The following ARHGEF9 variants were observed in gnomAD, a reference collection of about 807,000 sequenced individuals.
ARHGEF9 encodes the protein rho guanine nucleotide exchange factor 9.
ARHGEF9 carries 2 observed loss-of-function variants against 41.3 expected under a neutral mutation model. The observed-to-expected ratio is 0.05, with a 90% CI of 0.02 to 0.15. The LOEUF is 0.15. ARHGEF9 is among the 10% of genes least tolerant of loss of function. ARHGEF9 has a pLI of 1.00. For missense variants in ARHGEF9, 225 were observed against 424.7 expected (o/e 0.53, Z 4.13); for synonymous variants, 160 against 154.4 (o/e 1.04, Z -0.27).
chrX:63,736,455 G>T (rs2054618154), intron 1 of ARHGEF9, among the ~76,000 whole-genome samples: 1 of 110,570 alleles, frequency 9.0e-6, no homozygotes, highest in Non-Finnish European at 1.9e-5. Context: ...AGCCCCAAAG[G>T]CAGTGGATTC....
intron 1 of ARHGEF9, among the ~76,000 whole-genome samples, chrX:63,752,264 C>A (rs1312240852): frequency 1.0e-5 from 1 of 99,653 alleles, no homozygotes; most frequent in Non-Finnish European, 2.0e-5. Flanking sequence ...TGGAAGTCAC[C>A]TAGTGGAGCC....
intron 4 of ARHGEF9, among the ~76,000 whole-genome samples, chrX:63,688,999 G>A (rs561585796): frequency 1.8e-5 from 2 of 111,177 alleles, no homozygotes; most frequent in African/African-American, 6.5e-5. Flanking sequence ...ACTAACAAAA[G>A]CAAATAATTA....
intron 4 of ARHGEF9, among the ~76,000 whole-genome samples, chrX:63,692,617 T>C (rs2051427422): frequency 8.9e-6 from 1 of 112,226 alleles, no homozygotes; most frequent in Admixed American, 9.4e-5. Flanking sequence ...GATCGGAATG[T>C]AAATTAGTAC....
chrX:63,738,244 G>A (rs2054733594), intron 1 of ARHGEF9, among the ~76,000 whole-genome samples: 1 of 111,685 alleles, frequency 9.0e-6, no homozygotes, highest in African/African-American at 3.3e-5. Flanking sequence ...AAGAGAAAGA[G>A]GAATATATTC....
At chrX:63,784,980 G>A in intron 1 of ARHGEF9, 136 bp downstream of exon 1, 10 of 754,443 alleles carry the variant, frequency 1.3e-5, no homozygotes, top group Admixed American at 8.9e-5. Context: ...AAGCTCACTG[G>A]TGTCTCAAGG....
chrX:63,769,981 G>C (rs1458258464), intron 1 of ARHGEF9, among the ~76,000 whole-genome samples: 5 of 111,954 alleles, frequency 4.5e-5, no homozygotes, highest in African/African-American at 1.6e-4. Context: ...ACCACCTAGT[G>C]GAGCTGTGAG....
chrX:63,710,852 G>T (rs2052888569), intron 2 of ARHGEF9, among the ~76,000 whole-genome samples: 1 of 110,345 alleles, frequency 9.1e-6, no homozygotes, highest in East Asian at 2.8e-4. Context: ...GACAAAAAAA[G>T]AAATAAAAGA....
chrX:63,749,022 G>A (rs1410612611), intron 1 of ARHGEF9, among the ~76,000 whole-genome samples: 1 of 112,004 alleles, frequency 8.9e-6, no homozygotes, highest in Non-Finnish European at 1.9e-5. Flanking sequence ...AATTCACACT[G>A]GCCTCTCACC....
intron 8 of ARHGEF9, among the ~76,000 whole-genome samples, chrX:63,654,860 C>T (rs1399627798): frequency 2.7e-5 from 3 of 111,866 alleles, no homozygotes; most frequent in Non-Finnish European, 1.9e-5. Context: ...AAGCTATAGC[C>T]AATGGCGTCT....
chrX:63,744,858 C>G (rs782656531), intron 1 of ARHGEF9, among the ~76,000 whole-genome samples: 1 of 112,051 alleles, frequency 8.9e-6, no homozygotes, highest in African/African-American at 3.2e-5. Context: ...CCCTCAACTC[C>G]CTTTGGGTCC....
Position 63,664,479 on chromosome X carries a change from G to A in ARHGEF9, c.1077+1407C>T, listed in dbSNP as rs1484898940. Among the ~76,000 whole-genome samples the A allele has an allele frequency of 3.6e-5, 4 of 112,515 alleles. No homozygotes were observed. The Admixed American group carries it at 3.8e-4, about 11-fold the overall frequency. On this transcript the variant is annotated intron_variant, in intron 7 of 9. Coordinates refer to ENST00000671741, the MANE Select transcript of ARHGEF9 (RefSeq NM_001353921.2). ...GCCTCTATGGCTACTTGTTCTGAGT[G>A]TAAACACCTTAGTGGGAAGAACAGG...
At chrX:63,777,774 G>T (rs1556459582) in intron 1 of ARHGEF9, among the ~76,000 whole-genome samples, 1 of 112,478 alleles carries the variant, frequency 8.9e-6, no homozygotes, top group African/African-American at 3.2e-5. Context: ...AAATCTTAAA[G>T]CTCCAAAATA....
At chrX:63,775,377 G>A (rs2056275706) in intron 1 of ARHGEF9, among the ~76,000 whole-genome samples, 1 of 112,459 alleles carries the variant, frequency 8.9e-6, no homozygotes, top group African/African-American at 3.2e-5. Flanking sequence ...ATATGCACAT[G>A]TATGTTCGTC....
At chrX:63,652,295 G>A (rs149209717) in intron 8 of ARHGEF9, among the ~76,000 whole-genome samples, 1 of 111,776 alleles carries the variant, frequency 8.9e-6, no homozygotes, top group Non-Finnish European at 1.9e-5. Context: ...TCAATCAACT[G>A]TGGATCAAAA....
intron 8 of ARHGEF9, among the ~76,000 whole-genome samples, chrX:63,652,998 C>T (rs1250368562): frequency 2.7e-4 from 30 of 111,551 alleles, no homozygotes; most frequent in African/African-American, 9.5e-4. Context: ...TTCCTGAGGC[C>T]TCCCAGTGAT....
Position 63,702,956 on chromosome X carries a change from G to A in ARHGEF9, c.402+3302C>T, listed in dbSNP as rs782165891. On this transcript the variant is annotated intron_variant, in intron 3 of 9. Coordinates refer to ENST00000671741, the MANE Select transcript of ARHGEF9 (RefSeq NM_001353921.2). ...ATCTGAGATTCCCCAGTCAGTTAGTGACCAAGGTAGGTCCTGAACCCAGCA... is the reference window on the plus strand; with the variant it reads ...ATCTGAGATTCCCCAGTCAGTTAGTAACCAAGGTAGGTCCTGAACCCAGCA... Among the ~76,000 whole-genome samples, 3 of 112,141 alleles carry A rather than the reference G, an allele frequency of 2.7e-5. No individual in the cohort carries two copies. In the East Asian group the frequency reaches 8.5e-4, roughly 32 times the overall value.
chrX:63,639,121 C>T (rs1179175776), intron 9 of ARHGEF9, among the ~76,000 whole-genome samples: 1 of 111,913 alleles, frequency 8.9e-6, no homozygotes, highest in Non-Finnish European at 1.9e-5. Context: ...ATACCTTCCT[C>T]ATCTGCTACT....
At chrX:63,664,204 C>T (rs1347181156) in intron 7 of ARHGEF9, among the ~76,000 whole-genome samples, 2 of 112,495 alleles carry the variant, frequency 1.8e-5, no homozygotes, top group African/African-American at 6.5e-5. Flanking sequence ...ATTACTCCAT[C>T]TTGGTCTTCC....
intron 2 of ARHGEF9, chrX:63,713,055 A>G (rs2053044656): frequency 9.0e-6 from 1 of 111,646 alleles, no homozygotes; most frequent in African/African-American, 3.3e-5. Flanking sequence ...AAGTCAATAA[A>G]GGCTCAAGGA....
Sources: allele counts gnomAD v4.1 joint callset (sites outside exome capture counted in the v4.1 genomes callset), GRCh38; gene constraint gnomAD v4.1.1; transcripts MANE v1.5; gene names NCBI Gene and HGNC (gene_info 2026-07-23, HGNC 2026-07-21).